NKAIN2: variants seen among roughly 807,000 people sequenced by gnomAD.
NKAIN2 encodes sodium/potassium transporting ATPase interacting 2.
NKAIN2 carries 14 observed loss-of-function variants against 32.6 expected under a neutral mutation model. The ratio of observed to expected loss-of-function variants is 0.43; its 90% CI spans 0.28 to 0.67. The LOEUF is 0.67. NKAIN2 is among the 30% of genes least tolerant of loss of function. The pLI is 0.17. For missense variants in NKAIN2, 198 were observed against 258.3 expected (o/e 0.77, Z 1.60); for synonymous variants, 80 against 87.2 (o/e 0.92, Z 0.46).
chr6:124,722,185 T>C lies in NKAIN2; in HGVS notation c.474+63799T>C, dbSNP rs1160426558. On this transcript the variant is annotated intron_variant, in intron 4 of 6. Coordinates refer to ENST00000368417, the MANE Select transcript of NKAIN2 (RefSeq NM_001040214.3). ...CTTTTTAAGGCTGAATAATGTTCCA[T>C]TGTATAACAGAAATTCTTTATCCAT... Among the ~76,000 whole-genome samples, 3 of 152,238 alleles carry C rather than the reference T, an allele frequency of 2.0e-5. No individual in the cohort carries two copies. The East Asian group carries it at 5.8e-4, about 29-fold the overall frequency.
intron 1 of NKAIN2, among the ~76,000 whole-genome samples, chr6:123,977,998 T>C (rs9482494): frequency 0.073 from 11,174 of 152,190 alleles, 1,332 homozygotes; most frequent in African/African-American, 0.25. Context: ...AATACAAAAA[T>C]GTGTGCATCA....
intron 1 of NKAIN2, among the ~76,000 whole-genome samples, chr6:124,160,435 T>C (rs1300997871): frequency 6.6e-6 from 1 of 152,192 alleles, no homozygotes; most frequent in East Asian, 1.9e-4. Context: ...CTGTATTTTC[T>C]ACATTAAATT....
At chr6:123,920,192 T>C (rs953473237) in intron 1 of NKAIN2, among the ~76,000 whole-genome samples, 1 of 152,124 alleles carries the variant, frequency 6.6e-6, no homozygotes, top group Non-Finnish European at 1.5e-5. Flanking sequence ...ATAAGTTTGT[T>C]CTTGCAAAGT....
At chr6:124,740,442 A>G (rs1203463778) in intron 4 of NKAIN2, among the ~76,000 whole-genome samples, 1 of 65,440 alleles carries the variant, frequency 1.5e-5, no homozygotes, top group Non-Finnish European at 3.1e-5. Flanking sequence ...ATATACACAT[A>G]TACACGTGTG....
intron 3 of NKAIN2, among the ~76,000 whole-genome samples, chr6:124,500,573 G>T (rs1258084334): frequency 6.6e-6 from 1 of 151,976 alleles, no homozygotes; most frequent in Non-Finnish European, 1.5e-5. Flanking sequence ...AGAATTGCTT[G>T]AACCTGGGAG....
chr6:124,616,991 A>T (rs1468189610), intron 3 of NKAIN2, among the ~76,000 whole-genome samples: 1 of 152,170 alleles, frequency 6.6e-6, no homozygotes, highest in Non-Finnish European at 1.5e-5. Flanking sequence ...AGTCCCAGAA[A>T]TGTGTTATAA....
At chr6:124,201,671 G>A (rs1173114036) in intron 1 of NKAIN2, among the ~76,000 whole-genome samples, 5 of 151,934 alleles carry the variant, frequency 3.3e-5, no homozygotes, top group Admixed American at 6.6e-5. Context: ...AGGATAGTAC[G>A]TCAGTCCTGT....
chr6:124,042,865 T>G (rs1781936757), intron 1 of NKAIN2, among the ~76,000 whole-genome samples: 1 of 151,914 alleles, frequency 6.6e-6, no homozygotes, highest in Non-Finnish European at 1.5e-5. Context: ...GTAAATTAGG[T>G]TTTTCCTTTG....
At chr6:124,360,839 G>T (rs1461505492) in intron 3 of NKAIN2, among the ~76,000 whole-genome samples, 8 of 152,158 alleles carry the variant, frequency 5.3e-5, no homozygotes, top group African/African-American at 1.7e-4. Flanking sequence ...TAGATGTCCT[G>T]TTAAGGAAAC....
chr6:123,905,965 G>A (rs1445063218), intron 1 of NKAIN2, among the ~76,000 whole-genome samples: 1 of 152,136 alleles, frequency 6.6e-6, no homozygotes, highest in Non-Finnish European at 1.5e-5. Flanking sequence ...ATGGATTTTG[G>A]AATTGTTTTG....
At chr6:124,151,770 T>C (rs1209570219) in intron 1 of NKAIN2, among the ~76,000 whole-genome samples, 1 of 152,014 alleles carries the variant, frequency 6.6e-6, no homozygotes, top group African/African-American at 2.4e-5. Flanking sequence ...CTTTTTAATA[T>C]GCTTATTATG....
chr6:124,725,262 T>C (rs1340391691), intron 4 of NKAIN2, among the ~76,000 whole-genome samples: 1 of 152,110 alleles, frequency 6.6e-6, no homozygotes, highest in Non-Finnish European at 1.5e-5. Context: ...TTTTTTGAAA[T>C]GGGGTCTCAT....
At chr6:123,856,809 C>G (rs905291608) in intron 1 of NKAIN2, among the ~76,000 whole-genome samples, 6 of 152,174 alleles carry the variant, frequency 3.9e-5, no homozygotes, top group African/African-American at 1.4e-4. Context: ...GTTGAGCCTG[C>G]TCAAGTTTGA....
At chr6:124,209,438 T>G (rs1436206458) in intron 1 of NKAIN2, among the ~76,000 whole-genome samples, 1 of 151,862 alleles carries the variant, frequency 6.6e-6, no homozygotes, top group African/African-American at 2.4e-5. Flanking sequence ...CTTTAATATA[T>G]TAAGTTCCTT....
At chr6:124,396,664 A>G (rs1773396764) in intron 3 of NKAIN2, among the ~76,000 whole-genome samples, 1 of 152,154 alleles carries the variant, frequency 6.6e-6, no homozygotes, top group South Asian at 2.1e-4. Flanking sequence ...TTCAGGCCAG[A>G]GATCATTAAG....
At chr6:123,906,049 A>AT (rs911920446) in intron 1 of NKAIN2, among the ~76,000 whole-genome samples, 3 of 152,184 alleles carry the variant, frequency 2.0e-5, no homozygotes, top group African/African-American at 7.2e-5. Flanking sequence ...TTAACATTCC[A>AT]TGTTAAGATG....
intron 1 of NKAIN2, among the ~76,000 whole-genome samples, chr6:124,274,730 A>T (rs1794946402): frequency 6.6e-6 from 1 of 152,114 alleles, no homozygotes; most frequent in Non-Finnish European, 1.5e-5. Flanking sequence ...AGAATATAAT[A>T]ACTACTCAAT....
chr6:124,704,840 A>G (rs1019366856), intron 4 of NKAIN2, among the ~76,000 whole-genome samples: 5 of 152,016 alleles, frequency 3.3e-5, no homozygotes, highest in African/African-American at 1.2e-4. Flanking sequence ...TTTACCTCTC[A>G]GCAGGAAATG....
In NKAIN2 at chr6:124,349,897, CAAGTT is replaced by C. The variant is rs373464171; in HGVS notation, c.193-5362_193-5358del. 2.8e-4 allele frequency among the ~76,000 whole-genome samples: 42 copies of C among 152,304 alleles called. 1 individual carries two copies. The highest frequency in any genetic ancestry group is 9.9e-4 in the African/African-American group (41 of 41,572). ...AGTTTTAACCATTTCCCTGGATTCT[CAAGTT>C]AAGTTAATCTCTCAGATGGTTCACC... On this transcript the variant is annotated intron_variant, in intron 2 of 6. Transcript: ENST00000368417.
Sources: gnomAD v4.1 joint callset for allele counts (sites outside exome capture counted in the v4.1 genomes callset) on GRCh38, gnomAD v4.1.1 for gene constraint, MANE v1.5 for transcripts, NCBI Gene and HGNC (gene_info 2026-07-23, HGNC 2026-07-21) for gene names.